The following PAG1 variants were observed in gnomAD, a reference collection of about 807,000 sequenced individuals.
PAG1 encodes the protein phosphoprotein associated with glycosphingolipid-enriched microdomains 1.
A neutral mutation model predicts 31.7 loss-of-function variants in PAG1; 23 were observed. The ratio of observed to expected loss-of-function variants is 0.73; its 90% confidence interval spans 0.52 to 1.03. The LOEUF is 1.03. Ranked by LOEUF, PAG1 falls within the 50% of genes least tolerant of loss-of-function variation. PAG1 has a pLI of 0.00. For missense variants in PAG1, 473 were observed against 540.7 expected, an observed-to-expected ratio of 0.87 and a Z score of 1.24; for synonymous variants, 214 against 210.3, an observed-to-expected ratio of 1.02 and a Z score of -0.15.
chr8:81,044,208 C>A (rs1170469754), intron 2 of PAG1, among the ~76,000 whole-genome samples: 3 of 152,176 alleles, frequency 2.0e-5, no homozygotes, highest in Non-Finnish European at 4.4e-5. Context: ...ATGTTAAAGT[C>A]CTAACTCCCA....
intron 3 of PAG1, among the ~76,000 whole-genome samples, chr8:81,027,749 C>T (rs895705432): frequency 1.3e-5 from 2 of 151,716 alleles, no homozygotes; most frequent in Non-Finnish European, 2.9e-5. Flanking sequence ...ATTAAAAATA[C>T]AAAAAATTAG....
At chr8:81,101,356 A>G (rs958174140) in intron 1 of PAG1, among the ~76,000 whole-genome samples, 2 of 152,246 alleles carry the variant, frequency 1.3e-5, no homozygotes, top group African/African-American at 4.8e-5. Context: ...TATTCGTAAC[A>G]CTAAATATGT....
In PAG1 at chr8:80,990,024, G is replaced by A. The variant is rs1465919217; in HGVS notation, c.177+1455C>T. On this transcript the variant is annotated intron_variant, in intron 5 of 8. Coordinates refer to ENST00000220597, the MANE Select transcript of PAG1 (RefSeq NM_018440.4). This position sits in a 1 kb window ranked among gnomAD's most constrained non-coding sequence, Gnocchi z 5.1. ...GCATGGGGAGAAGCGACAGTGGGGC[G>A]TTCCCTCCATCCCTCCCACCCTCCC... 2.6e-5 allele frequency among the ~76,000 whole-genome samples: 4 copies of A among 152,106 alleles called. No individual in the cohort carries two copies. Among genetic ancestry groups the A allele is most frequent in the African/African-American group, 4.8e-5 (2 of 41,422 alleles).
At chr8:81,023,823 G>C (rs920543115) in intron 3 of PAG1, among the ~76,000 whole-genome samples, 3 of 152,052 alleles carry the variant, frequency 2.0e-5, no homozygotes, top group African/African-American at 7.2e-5. Flanking sequence ...AATAAACACA[G>C]GTTTAGGAAA....
In PAG1 at chr8:80,971,510, C is replaced by T. The variant is rs1356966416; in HGVS notation, c.*5034G>A. On this transcript the variant is annotated 3_prime_UTR_variant, in exon 9 of 9. Transcript: ENST00000220597. Reference sequence around the variant, plus strand: ...TACTGCTGCCAATGTAACATACAGACATCTGAGAAATGACAATTATCAACC... The same window carrying T: ...TACTGCTGCCAATGTAACATACAGATATCTGAGAAATGACAATTATCAACC... 3.3e-5 allele frequency: 5 copies of T among 152,110 alleles called. No individual in the cohort carries two copies. The highest frequency in any genetic ancestry group is 6.5e-5 in the Admixed American group (1 of 15,276). The allele number at this position is 152,110 out of a possible 1,614,324, so 9.4% of individuals were successfully genotyped here. A position where few individuals can be genotyped will look rare whatever the true frequency, so the allele number is the denominator to read the frequency against.
intron 3 of PAG1, among the ~76,000 whole-genome samples, chr8:81,023,645 C>T (rs1331591345): frequency 6.6e-6 from 1 of 151,748 alleles, no homozygotes; most frequent in Non-Finnish European, 1.5e-5. Context: ...GAGGGAAAGA[C>T]AGAGGGTATG....
At chr8:81,101,760 T>C (rs1192729742) in intron 1 of PAG1, among the ~76,000 whole-genome samples, 1 of 152,128 alleles carries the variant, frequency 6.6e-6, no homozygotes, top group Non-Finnish European at 1.5e-5. Context: ...GCTCTAACTG[T>C]ACACATAATT....
chr8:81,085,972 GTT>G (rs869177030), intron 1 of PAG1, among the ~76,000 whole-genome samples: 11 of 58,902 alleles, frequency 1.9e-4, no homozygotes, highest in African/African-American at 1.5e-4. Flanking sequence ...AATCTGGCTT[GTT>G]TTTTTTTTTT....
chr8:80,982,204 T>C (rs1752666043), intron 7 of PAG1, among the ~76,000 whole-genome samples: 1 of 152,118 alleles, frequency 6.6e-6, no homozygotes, highest in African/African-American at 2.4e-5. Flanking sequence ...TAAAGAGTGG[T>C]CTAAAAAGTC....
intron 1 of PAG1, among the ~76,000 whole-genome samples, chr8:81,107,582 A>G (rs1408917916): frequency 6.6e-6 from 1 of 152,218 alleles, no homozygotes; most frequent in Non-Finnish European, 1.5e-5. Flanking sequence ...AGAGGATAAT[A>G]AAGTACTACC....
chr8:81,017,837 G>T (rs989681771), intron 3 of PAG1, among the ~76,000 whole-genome samples: 1 of 152,120 alleles, frequency 6.6e-6, no homozygotes, highest in Non-Finnish European at 1.5e-5. Flanking sequence ...CCTGCACATG[G>T]GAATTTAAAC....
Position 81,070,184 on chromosome 8 carries a change from A to G in PAG1, c.-233-14T>C, listed in dbSNP as rs1187204431. ...ATCTCGTGTTTTCTGGAAAAGAAAC[A>G]CAAGAGAAAACAATTTCAAAATTCT... On this transcript the variant is annotated splice_polypyrimidine_tract_variant and intron_variant, in intron 1 of 8. Coordinates refer to ENST00000220597, the MANE Select transcript of PAG1 (RefSeq NM_018440.4). 6.6e-6 allele frequency: 1 copy of G among 152,252 alleles called. No homozygotes were observed. Among genetic ancestry groups the G allele is most frequent in the Non-Finnish European group, 1.5e-5 (1 of 68,032 alleles). 9.4% of individuals were successfully genotyped at this position (152,252 alleles called of 1,614,324 possible).
chr8:81,068,203 C>T (rs570905930), intron 2 of PAG1, among the ~76,000 whole-genome samples: 1 of 152,244 alleles, frequency 6.6e-6, no homozygotes, highest in South Asian at 2.1e-4. Context: ...GCCTGCTTTG[C>T]TTATGTTTCT....
At position 80,969,700 on chromosome 8, in the gene PAG1, T is replaced by G. The variant is rs999823105; in HGVS notation, c.*6844A>C. ...TAAAGAGAATGAGCAGAGATATCTGTTCTGCTAATTTTGAAAAAAAGTTAC... is the reference window on the plus strand; with the variant it reads ...TAAAGAGAATGAGCAGAGATATCTGGTCTGCTAATTTTGAAAAAAAGTTAC... On this transcript the variant is annotated 3_prime_UTR_variant, in exon 9 of 9. Coordinates refer to ENST00000220597, the MANE Select transcript of PAG1 (RefSeq NM_018440.4). The G allele has an allele frequency of 2.6e-5, 4 of 152,206 alleles. No homozygotes were observed. The highest frequency in any genetic ancestry group is 4.8e-5 in the African/African-American group (2 of 41,452). 9.4% of individuals were successfully genotyped at this position (152,206 alleles called of 1,614,324 possible).
rs1807063611 is a variant in PAG1, at chr8:80,970,894, C to T, written c.*5650G>A. On this transcript the variant is annotated 3_prime_UTR_variant, in exon 9 of 9. Coordinates refer to ENST00000220597, the MANE Select transcript of PAG1 (RefSeq NM_018440.4). The stretch of plus-strand genomic sequence containing the variant: ...AGCACTGTGATCCGTACTGGAAAGA[C>T]ATAATGGCATGTCCTGTGAACAGCA... 6.6e-6 allele frequency: 1 copy of T among 152,652 alleles called. No individual in the cohort carries two copies. Among genetic ancestry groups the T allele is most frequent in the Non-Finnish European group, 1.5e-5 (1 of 68,114 alleles). The allele number at this position is 152,652 out of a possible 1,614,324, so 9.5% of individuals were successfully genotyped here. A position where few individuals can be genotyped will look rare whatever the true frequency, so the allele number is the denominator to read the frequency against.
Position 80,969,613 on chromosome 8 carries a change from A to G in PAG1, c.*6931T>C, listed in dbSNP as rs115036739. The G allele has an allele frequency of 6.6e-6, 1 of 152,358 alleles. No homozygotes were observed. Among genetic ancestry groups the G allele is most frequent in the African/African-American group, 2.4e-5 (1 of 41,576 alleles). 9.4% of individuals were successfully genotyped at this position (152,358 alleles called of 1,614,324 possible). ...AGCAACTGGTCCTTCTTTTAGCTTT[A>G]ACTGTGTCCTATTTAGAGTGCCTAA... On this transcript the variant is annotated 3_prime_UTR_variant, in exon 9 of 9. Transcript: ENST00000220597.
At chr8:80,993,599 CTTTTTTT>C (rs56960149) in intron 3 of PAG1, among the ~76,000 whole-genome samples, 1 of 135,936 alleles carries the variant, frequency 7.4e-6, no homozygotes, top group Admixed American at 7.3e-5. Flanking sequence ...TCTTCTTGTT[CTTTTTTT>C]TTTTTTTTTT....
chr8:80,980,169 C>T (rs887364970), intron 8 of PAG1, among the ~76,000 whole-genome samples: 1 of 152,178 alleles, frequency 6.6e-6, no homozygotes, highest in Non-Finnish European at 1.5e-5. Flanking sequence ...CTCTTCTCCC[C>T]TGCCCTCTCT....
rs1481644201 is a variant in PAG1 at position 80,976,889 on chromosome 8, T to C, written c.954A>G (p.Ser318=). The C allele has an allele frequency of 7.4e-6, 12 of 1,612,586 alleles. No individual in the cohort carries two copies. In the South Asian group the frequency reaches 1.1e-4, roughly 15 times the overall value. Residue 318 remains serine, a synonymous_variant, in exon 9 of 9, where the codon TCA becomes TCG. Coordinates refer to ENST00000220597, the MANE Select transcript of PAG1 (RefSeq NM_018440.4). ...CTAACTGTCCAGGTTTATTTACTGA[T>C]GAGTACATAGCTGAGATCTAGGAGA... ...LTEEEISAMY[S]SVNKPGQLVN...
Sources: gnomAD v4.1 joint callset for allele counts (sites outside exome capture counted in the v4.1 genomes callset) on GRCh38, gnomAD v4.1.1 for gene constraint, Gnocchi (gnomAD v3.1) non-coding constraint, MANE v1.5 for transcripts, NCBI Gene and HGNC (gene_info 2026-07-23, HGNC 2026-07-21) for gene names.